The following GAS2 variants were observed in gnomAD, a reference collection of about 807,000 sequenced individuals.
GAS2 encodes growth arrest specific 2.
GAS2 carries 20 observed loss-of-function variants against 37.5 expected under a neutral mutation model. The observed-to-expected ratio is 0.53, with a 90% CI of 0.37 to 0.77. The LOEUF is 0.77. Ranked by LOEUF, GAS2 falls within the 30% of genes least tolerant of loss-of-function variation. GAS2 has a pLI of 0.00. For missense variants in GAS2, 336 were observed against 373.4 expected, an observed-to-expected ratio of 0.90 and a Z score of 0.82; for synonymous variants, 144 against 132.2, an observed-to-expected ratio of 1.09 and a Z score of -0.61.
At chr11:22,805,195 G>T (rs1856828801) in intron 7 of GAS2, among the ~76,000 whole-genome samples, 2 of 151,664 alleles carry the variant, frequency 1.3e-5, no homozygotes, top group South Asian at 4.2e-4. Context: ...TTTTAAAAAA[G>T]AATTTATATA....
rs1301831041 is a variant in GAS2 at position 22,658,436 on chromosome 11, C to A, written c.-20-16414C>A. On this transcript the variant is annotated intron_variant, in intron 1 of 5. Coordinates refer to the GAS2 transcript ENST00000528582. ...GATAGGTATCTCAAAATTAACTTGT[C>A]TAGGACTAAAACCCTGATTTTCATT... 2.0e-5 allele frequency among the ~76,000 whole-genome samples: 3 copies of A among 152,148 alleles called. No individual in the cohort carries two copies. In the East Asian group the frequency reaches 5.8e-4, roughly 29 times the overall value.
chr11:22,741,082 T>G (rs1030134485), intron 5 of GAS2, among the ~76,000 whole-genome samples: 1 of 152,204 alleles, frequency 6.6e-6, no homozygotes, highest in East Asian at 1.9e-4. Flanking sequence ...CCAGTGAGTT[T>G]CTGATTCTCT....
chr11:22,770,297 T>C (rs1854911486), intron 7 of GAS2, among the ~76,000 whole-genome samples: 1 of 152,152 alleles, frequency 6.6e-6, no homozygotes, highest in East Asian at 1.9e-4. Flanking sequence ...ACAGCTACCC[T>C]GGAACTTACA....
intron 3 of GAS2, among the ~76,000 whole-genome samples, chr11:22,702,888 AG>A (rs1430185430): frequency 6.6e-6 from 1 of 152,186 alleles, no homozygotes; most frequent in East Asian, 1.9e-4. Context: ...TAGATTCCAG[AG>A]GCTACTACAT....
At chr11:22,676,421 G>C (rs10734317) in intron 2 of GAS2, among the ~76,000 whole-genome samples, 94,815 of 151,752 alleles carry the variant, frequency 0.62, 30,804 homozygotes, top group East Asian at 0.83. Context: ...AAGTATGGTA[G>C]TGGAAAATAA....
chr11:22,789,759 C>T (rs1856051438), intron 7 of GAS2, among the ~76,000 whole-genome samples: 1 of 151,744 alleles, frequency 6.6e-6, no homozygotes, highest in South Asian at 2.1e-4. Flanking sequence ...GCCACCGCGC[C>T]CGGCCATGAT....
At chr11:22,756,003 T>C (rs1470748621) in intron 7 of GAS2, 50 bp downstream of exon 7, 16 of 1,298,792 alleles carry the variant, frequency 1.2e-5, no homozygotes, top group Non-Finnish European at 1.8e-5. Context: ...GATTCAGAAT[T>C]TGAGTTAGGG....
intron 3 of GAS2, among the ~76,000 whole-genome samples, chr11:22,689,833 T>G (rs1215016991): frequency 6.6e-6 from 1 of 152,160 alleles, no homozygotes; most frequent in East Asian, 1.9e-4. Flanking sequence ...TGTACACTCA[T>G]GTGTTCATGT....
chr11:22,700,783 C>A lies in GAS2; in HGVS notation c.267+14994C>A, dbSNP rs143494143. 1.3e-3 allele frequency among the ~76,000 whole-genome samples: 203 copies of A among 152,188 alleles called. 1 individual carries two copies. The highest frequency in any genetic ancestry group is 4.2e-3 in the African/African-American group (173 of 41,522). ...AAAATAAGCATCAGATGAGCGATAG[C>A]TAATGGTTTCATGAATTTGCTCACC... On this transcript the variant is annotated intron_variant, in intron 3 of 7. Transcript: ENST00000454584.
At chr11:22,724,948 G>T (rs1852126360) in intron 3 of GAS2, among the ~76,000 whole-genome samples, 1 of 151,822 alleles carries the variant, frequency 6.6e-6, no homozygotes, top group Admixed American at 6.6e-5. Context: ...TTGTAAATGA[G>T]TTCAACAATC....
At chr11:22,648,718 C>G (rs1000294215) in intron 1 of GAS2, among the ~76,000 whole-genome samples, 6 of 152,160 alleles carry the variant, frequency 3.9e-5, no homozygotes, top group Non-Finnish European at 2.9e-5. Context: ...TGATTTGGCT[C>G]TCTGTTTGTC....
At chr11:22,750,657 C>T (rs1358603175) in intron 6 of GAS2, among the ~76,000 whole-genome samples, 1 of 152,002 alleles carries the variant, frequency 6.6e-6, no homozygotes, top group Non-Finnish European at 1.5e-5. Context: ...AATTGAGTAA[C>T]ATTATATTAT....
intron 1 of GAS2, among the ~76,000 whole-genome samples, chr11:22,650,887 G>A (rs1384353655): frequency 6.6e-6 from 1 of 151,002 alleles, no homozygotes; most frequent in Non-Finnish European, 1.5e-5. Flanking sequence ...GCCAGTCTGT[G>A]TCTTTTAATT....
intron 1 of GAS2, among the ~76,000 whole-genome samples, chr11:22,652,895 G>C (rs180975569): frequency 1.3e-5 from 2 of 152,160 alleles, no homozygotes; most frequent in Non-Finnish European, 2.9e-5. Flanking sequence ...CGTCGCTCAC[G>C]CTGGGAGCTG....
intron 1 of GAS2, among the ~76,000 whole-genome samples, chr11:22,646,147 A>G (rs1848688107): frequency 6.6e-6 from 1 of 152,088 alleles, no homozygotes; most frequent in South Asian, 2.1e-4. Context: ...AGAAAAAACA[A>G]TTTGGTTTTC....
intron 1 of GAS2, among the ~76,000 whole-genome samples, chr11:22,657,422 T>C (rs2133841268): frequency 6.6e-6 from 1 of 152,280 alleles, no homozygotes; most frequent in East Asian, 1.9e-4. Flanking sequence ...AGTTGTTTAA[T>C]GTTTGGCCCC....
intron 6 of GAS2, 79 bp downstream of exon 6, chr11:22,749,340 C>A: frequency 7.7e-7 from 1 of 1,301,946 alleles, no homozygotes; most frequent in Non-Finnish European, 1.1e-6. Context: ...AATCTCGTAT[C>A]AGTCTAATCT....
At chr11:22,808,816 C>T (rs954137138) in intron 7 of GAS2, among the ~76,000 whole-genome samples, 3 of 152,194 alleles carry the variant, frequency 2.0e-5, no homozygotes, top group African/African-American at 7.2e-5. Context: ...CTGACACTGG[C>T]CTTGGCAGTT....
At chr11:22,698,073 C>T (rs1482355022) in intron 3 of GAS2, among the ~76,000 whole-genome samples, 1 of 152,132 alleles carries the variant, frequency 6.6e-6, no homozygotes, top group Middle Eastern at 3.4e-3. Flanking sequence ...ATGATATTGG[C>T]TATGGAGCTG....
Sources: allele counts gnomAD v4.1 joint callset (sites outside exome capture counted in the v4.1 genomes callset), GRCh38; gene constraint gnomAD v4.1.1; transcripts MANE v1.5; gene names NCBI Gene and HGNC (gene_info 2026-07-23, HGNC 2026-07-21).